Variants in SDK1 observed in about 807,000 individuals in gnomAD.
SDK1 encodes sidekick cell adhesion molecule 1, also known as protein sidekick-1.
SDK1 carries 157 observed loss-of-function variants against 245.5 expected under a neutral mutation model. The observed-to-expected ratio is 0.64, with a 90% CI of 0.56 to 0.73. The LOEUF is 0.73. SDK1 is among the 30% of genes least tolerant of loss of function. The pLI is 0.00. For synonymous variants in SDK1, 1,647 were observed against 1,278.5 expected (o/e 1.29, Z -6.15); for missense variants, 3,583 against 3,002.3 (o/e 1.19, Z -4.52).
In SDK1 at chr7:3,448,097, C is replaced by T. The variant is rs540088832; in HGVS notation, c.298+146213C>T. On this transcript the variant is annotated intron_variant, in intron 1 of 44. Transcript: ENST00000404826. ...CAGTTCAAGGGATATGTATACTTAACATTGTATAGATATTAGTAGATTTCT... is the reference window on the plus strand; with the variant it reads ...CAGTTCAAGGGATATGTATACTTAATATTGTATAGATATTAGTAGATTTCT... Among the ~76,000 whole-genome samples the T allele has an allele frequency of 1.2e-3, 176 of 152,266 alleles. 1 individual carries two copies. Among genetic ancestry groups the T allele is most frequent in the African/African-American group, 4.0e-3 (167 of 41,546 alleles).
chr7:3,751,608 A>G (rs926723908), intron 4 of SDK1, among the ~76,000 whole-genome samples: 1 of 152,190 alleles, frequency 6.6e-6, no homozygotes, highest in Non-Finnish European at 1.5e-5. Context: ...CAATTCTGAT[A>G]GCCACACCGA....
intron 8 of SDK1, among the ~76,000 whole-genome samples, chr7:3,960,311 T>G (rs1781580335): frequency 6.6e-6 from 1 of 152,166 alleles, no homozygotes; most frequent in African/African-American, 2.4e-5. Flanking sequence ...CTTACCTAGG[T>G]CCACATGGTA....
chr7:3,765,944 T>C (rs1302600624), intron 4 of SDK1, among the ~76,000 whole-genome samples: 1 of 152,224 alleles, frequency 6.6e-6, no homozygotes, highest in African/African-American at 2.4e-5. Context: ...TCCCTTCTGA[T>C]GTCACCATCC....
intron 5 of SDK1, among the ~76,000 whole-genome samples, chr7:3,878,184 T>C (rs1781119358): frequency 6.6e-6 from 1 of 152,216 alleles, no homozygotes; most frequent in Non-Finnish European, 1.5e-5. Context: ...TTTCAATTTT[T>C]TTTTCATATT....
chr7:3,610,027 C>G (rs139346818), intron 1 of SDK1, among the ~76,000 whole-genome samples: 7 of 152,278 alleles, frequency 4.6e-5, no homozygotes, highest in Non-Finnish European at 8.8e-5. Context: ...ACCCAGGGCT[C>G]CAAAGTACTT....
At chr7:3,402,062 A>C (rs147257325) in intron 1 of SDK1, among the ~76,000 whole-genome samples, 65 of 152,294 alleles carry the variant, frequency 4.3e-4, no homozygotes, top group African/African-American at 1.5e-3. Flanking sequence ...TCCTCATGGA[A>C]CTCAATCTGG....
At chr7:3,338,373 C>T in intron 1 of SDK1, 1 of 525,974 alleles carries the variant, frequency 1.9e-6, no homozygotes, top group South Asian at 1.7e-5. Flanking sequence ...GGGCACGACT[C>T]TTGCCAAGAG....
chr7:3,800,412 C>T (rs1472664973), intron 4 of SDK1, among the ~76,000 whole-genome samples: 3 of 149,256 alleles, frequency 2.0e-5, no homozygotes, highest in East Asian at 1.9e-4. Flanking sequence ...GACAGAGTCT[C>T]ACTCTGTCAC....
At chr7:3,466,095 G>A (rs1221180873) in intron 1 of SDK1, among the ~76,000 whole-genome samples, 2 of 151,984 alleles carry the variant, frequency 1.3e-5, no homozygotes, top group Non-Finnish European at 2.9e-5. Context: ...TACAGGATAT[G>A]CCTTGACTAC....
At chr7:3,566,057 C>T (rs1234018912) in intron 1 of SDK1, among the ~76,000 whole-genome samples, 1 of 151,932 alleles carries the variant, frequency 6.6e-6, no homozygotes, top group Non-Finnish European at 1.5e-5. Flanking sequence ...ATAAAAATCT[C>T]TTCAGGGTAG....
At chr7:3,413,032 A>T (rs1779256435) in intron 1 of SDK1, among the ~76,000 whole-genome samples, 1 of 152,212 alleles carries the variant, frequency 6.6e-6, no homozygotes, top group African/African-American at 2.4e-5. Context: ...TGTGAAAATA[A>T]TACACATGAC....
chr7:4,232,384 C>CTTTTTTT (rs1425066111), intron 40 of SDK1, among the ~76,000 whole-genome samples: 1 of 92,864 alleles, frequency 1.1e-5, no homozygotes, highest in African/African-American at 3.9e-5. Context: ...TTCCTTTTTT[C>CTTTTTTT]TTTTTTTCTT....
chr7:4,209,885 C>A, intron 37 of SDK1, 140 bp from the exon 38 acceptor site: 2 of 798,062 alleles, frequency 2.5e-6, no homozygotes, highest in Non-Finnish European at 3.7e-6. Context: ...TAAATCTTTT[C>A]ATTTTATGAC....
chr7:4,163,070 C>T (rs1177384626), intron 32 of SDK1, among the ~76,000 whole-genome samples: 4 of 152,184 alleles, frequency 2.6e-5, no homozygotes, highest in Non-Finnish European at 5.9e-5. Context: ...AACAGATGGA[C>T]AGGCAGGGGG....
chr7:3,613,074 C>T (rs980790520), intron 1 of SDK1, among the ~76,000 whole-genome samples: 10 of 152,168 alleles, frequency 6.6e-5, no homozygotes, highest in African/African-American at 2.2e-4. Context: ...GAAGAACTTG[C>T]AGTTCAACTT....
At chr7:4,055,161 T>TAAAGAG (rs1194000105) in intron 19 of SDK1, among the ~76,000 whole-genome samples, 3 of 152,232 alleles carry the variant, frequency 2.0e-5, no homozygotes, top group African/African-American at 7.2e-5. Flanking sequence ...AGAGATTGCG[T>TAAAGAG]AAAATTGGTG....
chr7:3,474,989 C>T (rs1781308680), intron 1 of SDK1, among the ~76,000 whole-genome samples: 2 of 152,200 alleles, frequency 1.3e-5, no homozygotes, highest in Non-Finnish European at 2.9e-5. Flanking sequence ...CCGTGTCCAG[C>T]CCTGACCCAT....
chr7:4,265,680 G>A lies in SDK1; in HGVS notation c.*296G>A. ...ACCTCCGGGGCCTGGGAGGACCTCA[G>A]ACCTCCCCAGCCCTGGGTTTCTCCG... is the stretch of plus-strand genomic sequence containing the variant. On this transcript the variant is annotated 3_prime_UTR_variant, in exon 45 of 45. Coordinates refer to ENST00000404826, the MANE Select transcript of SDK1 (RefSeq NM_152744.4). 1 of 1,183,870 alleles carries A rather than the reference G, an allele frequency of 8.4e-7. No individual in the cohort carries two copies. 73.3% of individuals were successfully genotyped at this position (1,183,870 alleles called of 1,614,324 possible).
At chr7:3,418,321 A>G (rs1374943451) in intron 1 of SDK1, among the ~76,000 whole-genome samples, 1 of 152,158 alleles carries the variant, frequency 6.6e-6, no homozygotes, top group Non-Finnish European at 1.5e-5. Flanking sequence ...CATCTCAGAA[A>G]CAAACAACTC....
Sources: allele counts gnomAD v4.1 joint callset (sites outside exome capture counted in the v4.1 genomes callset), GRCh38; gene constraint gnomAD v4.1.1; transcripts MANE v1.5; gene names NCBI Gene and HGNC (gene_info 2026-07-23, HGNC 2026-07-21).